ATAD2B: variants seen among roughly 807,000 people sequenced by gnomAD.
ATAD2B encodes ATPase family AAA domain-containing protein 2B.
In ATAD2B, 40 loss-of-function variants were observed where a neutral mutation model predicts 167.6. That is an observed-to-expected ratio of 0.24 (90% CI 0.19 to 0.31). The LOEUF (loss-of-function observed/expected upper bound fraction) is 0.31. Among genes scored for constraint, ATAD2B ranks in the 10% least tolerant of loss-of-function variants. The pLI is 1.00. For missense variants in ATAD2B, 1,242 were observed against 1,757.2 expected, an observed-to-expected ratio of 0.71 and a Z score of 5.24; for synonymous variants, 579 against 596.5, an observed-to-expected ratio of 0.97 and a Z score of 0.43.
intron 24 of ATAD2B, 44 bp downstream of exon 24, chr2:23,762,165 C>G (rs774486955): frequency 6.3e-7 from 1 of 1,594,226 alleles, no homozygotes; most frequent in South Asian, 1.1e-5. Flanking sequence ...CTACATCATT[C>G]TCAGTTGTTC....
At chr2:23,855,057 G>A (rs1693163117) in intron 13 of ATAD2B, among the ~76,000 whole-genome samples, 1 of 152,110 alleles carries the variant, frequency 6.6e-6, no homozygotes, top group South Asian at 2.1e-4. Flanking sequence ...AGCCGGGCAT[G>A]GTGGTGCACA....
the ATAD2B span, among the ~76,000 whole-genome samples, chr2:23,705,210 G>A: frequency 6.6e-6 from 1 of 152,186 alleles, no homozygotes; most frequent in South Asian, 2.1e-4. Context: ...AAATGGGAAA[G>A]GGCCAGGCAC....
intron 13 of ATAD2B, among the ~76,000 whole-genome samples, chr2:23,845,102 A>T (rs1691539449): frequency 6.6e-6 from 1 of 152,196 alleles, no homozygotes. Flanking sequence ...AAAAGAAAAA[A>T]GTGTCGACTT....
At chr2:23,884,465 G>C (rs964516287) in intron 6 of ATAD2B, among the ~76,000 whole-genome samples, 6 of 151,962 alleles carry the variant, frequency 3.9e-5, no homozygotes, top group Admixed American at 2.0e-4. Context: ...TACAAAAAAG[G>C]CCTCATCTAA....
chr2:23,705,767 A>C, the ATAD2B span, among the ~76,000 whole-genome samples: 3 of 151,922 alleles, frequency 2.0e-5, no homozygotes, highest in African/African-American at 7.3e-5. Flanking sequence ...GCTGAAATGA[A>C]AGAGTGTCAG....
At chr2:23,755,876 TA>T (rs1675891540) in intron 25 of ATAD2B, among the ~76,000 whole-genome samples, 1 of 152,196 alleles carries the variant, frequency 6.6e-6, no homozygotes, top group Admixed American at 6.6e-5. Flanking sequence ...GGAGTTTTGT[TA>T]AAATCATATT....
At chr2:23,757,385 A>G (rs1676075387) in intron 25 of ATAD2B, 33 bp downstream of exon 25, 1 of 1,443,014 alleles carries the variant, frequency 6.9e-7, no homozygotes. Context: ...TGGAGTTTAA[A>G]CCTTCAGAAG....
chr2:23,760,811 T>C (rs1676642012), intron 24 of ATAD2B, among the ~76,000 whole-genome samples: 1 of 143,810 alleles, frequency 7.0e-6, no homozygotes, highest in African/African-American at 2.6e-5. Context: ...AAAGTCCATT[T>C]AGAGACACGA....
At chr2:23,760,721 CACACACACAT>C (rs1676596118) in intron 24 of ATAD2B, among the ~76,000 whole-genome samples, 1 of 142,738 alleles carries the variant, frequency 7.0e-6, no homozygotes, top group Non-Finnish European at 1.5e-5. Flanking sequence ...CACACACACA[CACACACACAT>C]ATACACACAC....
intron 21 of ATAD2B, among the ~76,000 whole-genome samples, chr2:23,785,102 CA>C (rs773794202): frequency 5.9e-5 from 9 of 151,810 alleles, no homozygotes; most frequent in South Asian, 4.1e-4. Context: ...TCAGACTTGC[CA>C]GGGGGGAGGA....
chr2:23,694,596 C>G, the ATAD2B span, among the ~76,000 whole-genome samples: 2 of 152,158 alleles, frequency 1.3e-5, no homozygotes, highest in African/African-American at 4.8e-5. Context: ...CCTCCCCAGC[C>G]TCTCTCCTCT....
chr2:23,840,802 T>C (rs1690769844), intron 13 of ATAD2B, among the ~76,000 whole-genome samples: 2 of 152,344 alleles, frequency 1.3e-5, no homozygotes, highest in South Asian at 2.1e-4. Context: ...CTGAGAGATG[T>C]ACAGGATCTC....
chr2:23,809,398 T>C (rs1237727569), intron 18 of ATAD2B, among the ~76,000 whole-genome samples: 1 of 152,130 alleles, frequency 6.6e-6, no homozygotes, highest in African/African-American at 2.4e-5. Context: ...TCAATACTAC[T>C]ATGAACTGTT....
the ATAD2B span, among the ~76,000 whole-genome samples, chr2:23,721,198 T>A: frequency 1.3e-3 from 192 of 152,250 alleles, no homozygotes; most frequent in African/African-American, 4.4e-3. Context: ...GCAGAGCAGC[T>A]AAACGCCTGC....
intron 24 of ATAD2B, among the ~76,000 whole-genome samples, 200 bp from the exon 25 acceptor site, chr2:23,758,301 A>G (rs1212526522): frequency 6.6e-6 from 1 of 152,246 alleles, no homozygotes; most frequent in Non-Finnish European, 1.5e-5. Context: ...TGAACTCTGC[A>G]GAATAAAACA....
the ATAD2B span, chr2:23,691,894 A>AT: frequency 6.5e-7 from 1 of 1,545,912 alleles, no homozygotes. Flanking sequence ...CGGGGGCCAC[A>AT]TATGTCGCTT....
chr2:23,855,313 A>G (rs1243704248), intron 13 of ATAD2B, among the ~76,000 whole-genome samples: 1 of 152,224 alleles, frequency 6.6e-6, no homozygotes, highest in Non-Finnish European at 1.5e-5. Context: ...TAAACAGGCA[A>G]TAAACACAAA....
At chr2:23,909,439 C>CAT (rs142022080) in intron 1 of ATAD2B, among the ~76,000 whole-genome samples, 14,298 of 149,656 alleles carry the variant, frequency 0.096, 753 homozygotes, top group Middle Eastern at 0.15. Flanking sequence ...TACATACATA[C>CAT]ATATATATAT....
the ATAD2B span, among the ~76,000 whole-genome samples, chr2:23,702,689 C>A: frequency 6.6e-6 from 1 of 152,214 alleles, no homozygotes; most frequent in African/African-American, 2.4e-5. Flanking sequence ...GGGTTTCTCA[C>A]CTTCAGACCA....
Sources: gnomAD v4.1 joint callset for allele counts (sites outside exome capture counted in the v4.1 genomes callset) on GRCh38, gnomAD v4.1.1 for gene constraint, MANE v1.5 for transcripts, NCBI Gene and HGNC (gene_info 2026-07-23, HGNC 2026-07-21) for gene names.